Variants in PAWR observed in about 807,000 individuals in gnomAD.
The protein encoded by PAWR is PRKC apoptosis WT1 regulator protein.
PAWR carries 23 observed loss-of-function variants against 32.0 expected under a neutral mutation model. The observed-to-expected ratio is 0.72, with a 90% CI of 0.52 to 1.02. PAWR has a LOEUF of 1.02. Among genes scored for constraint, PAWR ranks in the 50% least tolerant of loss-of-function variants. The pLI is 0.00. For synonymous variants in PAWR, 226 were observed against 187.1 expected (o/e 1.21, Z -1.70); for missense variants, 457 against 437.7 (o/e 1.04, Z -0.39).
At chr12:79,594,807 C>A (rs572473696) in intron 5 of PAWR, among the ~76,000 whole-genome samples, 1 of 152,238 alleles carries the variant, frequency 6.6e-6, no homozygotes, top group East Asian at 1.9e-4. Flanking sequence ...ACCTCCACCT[C>A]CTGGGTTCAA....
chr12:79,667,460 C>T (rs961527374), intron 2 of PAWR, among the ~76,000 whole-genome samples: 1 of 152,076 alleles, frequency 6.6e-6, no homozygotes, highest in African/African-American at 2.4e-5. Flanking sequence ...ATGCATTCAG[C>T]AAAATCTAGA....
intron 1 of PAWR, 21 bp from the exon 2 acceptor site, chr12:79,690,412 G>C: frequency 1.5e-6 from 2 of 1,299,430 alleles, no homozygotes; most frequent in Non-Finnish European, 9.9e-7. Flanking sequence ...AGACAAAAGG[G>C]GGCGGGTAAG....
intron 2 of PAWR, among the ~76,000 whole-genome samples, chr12:79,643,353 C>T (rs190912883): frequency 1.8e-3 from 273 of 152,098 alleles, no homozygotes; most frequent in Middle Eastern, 6.8e-3. Flanking sequence ...TGAAAATATA[C>T]ATAACAAATT....
At chr12:79,689,697 C>A in intron 2 of PAWR, 32 bp downstream of exon 2, 1 of 1,530,214 alleles carries the variant, frequency 6.5e-7, no homozygotes, top group South Asian at 1.2e-5. Flanking sequence ...CCCGCCCCGG[C>A]CCGGTCCGGC....
rs1875726365 is a variant in PAWR at position 79,632,344 on chromosome 12, TATATA to T, written c.517-11142_517-11138del. Among the ~76,000 whole-genome samples, 4 of 63,988 alleles carry T rather than the reference TATATA, an allele frequency of 6.3e-5. 1 individual carries two copies. Among genetic ancestry groups the T allele is most frequent in the African/African-American group, 5.5e-4 (3 of 5,462 alleles). 42.0% of individuals were successfully genotyped at this position (63,988 alleles called of 152,430 possible). Reference sequence around the variant, plus strand: ...ATATATATATATATATATATATATATATATATATATATATATATTTTTTTTTTTTT... The same window carrying T: ...ATATATATATATATATATATATATATTATATATATATATTTTTTTTTTTTT... On this transcript the variant is annotated intron_variant, in intron 2 of 6. Transcript: ENST00000328827.
intron 2 of PAWR, among the ~76,000 whole-genome samples, chr12:79,655,928 G>T (rs1233037040): frequency 6.6e-6 from 1 of 152,224 alleles, no homozygotes; most frequent in Non-Finnish European, 1.5e-5. Context: ...ATAGAGTGCT[G>T]ATAGAAGGTA....
At chr12:79,672,767 T>C (rs1425814665) in intron 2 of PAWR, among the ~76,000 whole-genome samples, 4 of 151,952 alleles carry the variant, frequency 2.6e-5, no homozygotes, top group African/African-American at 9.7e-5. Context: ...ATTTCAAACA[T>C]GTACAGCAGT....
chr12:79,686,118 A>C (rs1201802984), intron 2 of PAWR, among the ~76,000 whole-genome samples: 1 of 152,224 alleles, frequency 6.6e-6, no homozygotes, highest in African/African-American at 2.4e-5. Flanking sequence ...TAAATACTGT[A>C]TATGTTAACT....
At chr12:79,676,866 T>C (rs1372367679) in intron 2 of PAWR, among the ~76,000 whole-genome samples, 1 of 152,180 alleles carries the variant, frequency 6.6e-6, no homozygotes, top group Non-Finnish European at 1.5e-5. Context: ...TCCTTCAAGA[T>C]TCAGTTCAAA....
At chr12:79,685,990 T>C (rs1261968669) in intron 2 of PAWR, among the ~76,000 whole-genome samples, 1 of 152,222 alleles carries the variant, frequency 6.6e-6, no homozygotes, top group African/African-American at 2.4e-5. Flanking sequence ...CCTCTGGAAA[T>C]AGTGATAAAC....
chr12:79,678,118 CTA>C (rs1392178975), intron 2 of PAWR, among the ~76,000 whole-genome samples: 1 of 152,164 alleles, frequency 6.6e-6, no homozygotes, highest in Non-Finnish European at 1.5e-5. Flanking sequence ...ATTTATTCTA[CTA>C]TATGTTATTT....
intron 2 of PAWR, among the ~76,000 whole-genome samples, chr12:79,649,458 C>G (rs1384988781): frequency 6.6e-6 from 1 of 151,614 alleles, no homozygotes; most frequent in Non-Finnish European, 1.5e-5. Context: ...ATAGCATTGT[C>G]ATATTAAAAA....
chr12:79,658,193 C>T (rs1361132959), intron 2 of PAWR, among the ~76,000 whole-genome samples: 1 of 152,124 alleles, frequency 6.6e-6, no homozygotes, highest in Non-Finnish European at 1.5e-5. Flanking sequence ...GCCAACAGAT[C>T]TTTGCACCTG....
chr12:79,607,741 A>AAAT (rs1555234257), intron 4 of PAWR, among the ~76,000 whole-genome samples: 3 of 145,834 alleles, frequency 2.1e-5, no homozygotes, highest in Admixed American at 7.0e-5. Flanking sequence ...AAAAAAAAAA[A>AAAT]AAAATAATAA....
intron 2 of PAWR, among the ~76,000 whole-genome samples, chr12:79,683,889 T>C (rs1191840013): frequency 6.6e-6 from 1 of 152,122 alleles, no homozygotes; most frequent in African/African-American, 2.4e-5. Flanking sequence ...AACTTAAAAT[T>C]GAGGAGATCC....
At chr12:79,674,721 A>T (rs1007515775) in intron 2 of PAWR, among the ~76,000 whole-genome samples, 1 of 152,198 alleles carries the variant, frequency 6.6e-6, no homozygotes, top group African/African-American at 2.4e-5. Flanking sequence ...CCAAAAAAAA[A>T]ATGACCGCAT....
At chr12:79,674,065 T>C (rs546028747) in intron 2 of PAWR, among the ~76,000 whole-genome samples, 1 of 152,154 alleles carries the variant, frequency 6.6e-6, no homozygotes, top group Admixed American at 6.5e-5. Context: ...CTAAAATTCA[T>C]CTGGAAACAA....
intron 4 of PAWR, among the ~76,000 whole-genome samples, chr12:79,606,457 C>T (rs1874186196): frequency 6.6e-6 from 1 of 152,118 alleles, no homozygotes; most frequent in Non-Finnish European, 1.5e-5. Flanking sequence ...CATGGTTTAT[C>T]TTTCATTATA....
intron 2 of PAWR, among the ~76,000 whole-genome samples, chr12:79,628,317 A>G (rs905797778): frequency 6.6e-6 from 1 of 152,190 alleles, no homozygotes; most frequent in Non-Finnish European, 1.5e-5. Flanking sequence ...AGCAGTGTGT[A>G]GAGGTAAATT....
Sources: allele counts gnomAD v4.1 joint callset (sites outside exome capture counted in the v4.1 genomes callset), GRCh38; gene constraint gnomAD v4.1.1; transcripts MANE v1.5; gene names NCBI Gene and HGNC (gene_info 2026-07-23, HGNC 2026-07-21).